The following RBPJ variants were observed in gnomAD, a reference collection of about 807,000 sequenced individuals.
The protein encoded by RBPJ is recombining binding protein suppressor of hairless.
Under a neutral mutation model 67.8 loss-of-function variants are expected in RBPJ, and 9 were observed. The ratio of observed to expected loss-of-function variants is 0.13; its 90% CI spans 0.08 to 0.23. RBPJ has a LOEUF of 0.23. RBPJ is among the 10% of genes least tolerant of loss of function. The pLI, the probability that RBPJ is intolerant of heterozygous loss-of-function variation, is 1.00. For synonymous variants in RBPJ, 198 were observed against 203.3 expected, an observed-to-expected ratio of 0.97 and a Z score of 0.22; for missense variants, 305 against 595.6, an observed-to-expected ratio of 0.51 and a Z score of 5.08.
the RBPJ span, among the ~76,000 whole-genome samples, chr4:26,145,448 G>C: frequency 6.6e-6 from 1 of 152,182 alleles, no homozygotes; most frequent in African/African-American, 2.4e-5. Flanking sequence ...ATCCCTTCAT[G>C]TCAGTTACTG....
chr4:26,109,642 GTCTC>G, the RBPJ span, among the ~76,000 whole-genome samples: 100 of 7,066 alleles, frequency 0.014, 6 homozygotes, highest in African/African-American at 0.027. Flanking sequence ...CTCTCTCTCT[GTCTC>G]TCTCTCTCTC....
At chr4:26,148,855 C>T in the RBPJ span, among the ~76,000 whole-genome samples, 3 of 152,216 alleles carry the variant, frequency 2.0e-5, no homozygotes, top group Non-Finnish European at 4.4e-5. Flanking sequence ...CTCCAGAGAA[C>T]AGGATGCTCT....
chr4:26,397,624 A>T (rs1732271928), intron 2 of RBPJ, among the ~76,000 whole-genome samples: 1 of 151,930 alleles, frequency 6.6e-6, no homozygotes. Flanking sequence ...TCTGTTTTGT[A>T]ACTCTTTTTT....
intron 1 of RBPJ, among the ~76,000 whole-genome samples, chr4:26,221,130 G>A (rs565547452): frequency 6.6e-5 from 10 of 152,032 alleles, no homozygotes; most frequent in South Asian, 4.1e-4. Flanking sequence ...TCGTTCCGTC[G>A]CCCAGGCTGG....
upstream of RBPJ, among the ~76,000 whole-genome samples, chr4:26,159,084 C>G (rs914744038): frequency 1.3e-5 from 2 of 151,892 alleles, no homozygotes; most frequent in African/African-American, 2.4e-5. Context: ...TTAGAGACCT[C>G]AGGATGAACT....
intron 1 of RBPJ, among the ~76,000 whole-genome samples, chr4:26,282,924 CTTTTTT>C (rs67501530): frequency 4.9e-5 from 3 of 61,646 alleles, no homozygotes; most frequent in Admixed American, 2.6e-4. Context: ...AGTGTAGATT[CTTTTTT>C]TTTTTTTTTT....
chr4:26,375,032 G>A (rs1246469060), intron 1 of RBPJ, among the ~76,000 whole-genome samples: 1 of 152,050 alleles, frequency 6.6e-6, no homozygotes, highest in Non-Finnish European at 1.5e-5. Flanking sequence ...GCTGGGCACG[G>A]TGGCTCATGC....
At chr4:26,367,093 C>T (rs1295770732) in intron 1 of RBPJ, among the ~76,000 whole-genome samples, 1 of 151,948 alleles carries the variant, frequency 6.6e-6, no homozygotes, top group East Asian at 1.9e-4. Context: ...CACTGCACTT[C>T]AGCCTGGGCG....
chr4:26,227,830 G>A (rs897861183), intron 1 of RBPJ, among the ~76,000 whole-genome samples: 1 of 152,224 alleles, frequency 6.6e-6, no homozygotes, highest in Non-Finnish European at 1.5e-5. Flanking sequence ...ATGTCTCCCT[G>A]CCAGCCTAGT....
chr4:26,190,410 T>G (rs746702426), intron 1 of RBPJ, among the ~76,000 whole-genome samples: 1 of 152,204 alleles, frequency 6.6e-6, no homozygotes, highest in Non-Finnish European at 1.5e-5. Context: ...ACATGAGGGT[T>G]TCCCAAAATG....
At chr4:26,168,093 G>A (rs944815960) in intron 1 of RBPJ, among the ~76,000 whole-genome samples, 23 of 151,896 alleles carry the variant, frequency 1.5e-4, no homozygotes, top group Non-Finnish European at 2.9e-4. Flanking sequence ...ATATTGCTAT[G>A]TGTGAATTTG....
intron 1 of RBPJ, among the ~76,000 whole-genome samples, chr4:26,260,137 T>C (rs146942406): frequency 8.8e-4 from 134 of 152,358 alleles, no homozygotes; most frequent in Middle Eastern, 3.4e-3. Flanking sequence ...TTTCATAATA[T>C]ACATTTTCAT....
At chr4:26,131,496 C>T in the RBPJ span, among the ~76,000 whole-genome samples, 2 of 152,084 alleles carry the variant, frequency 1.3e-5, no homozygotes, top group African/African-American at 2.4e-5. Context: ...GGGGAAGGTC[C>T]GTGGAAGCCC....
intron 1 of RBPJ, among the ~76,000 whole-genome samples, chr4:26,232,423 G>T (rs917466355): frequency 2.6e-5 from 4 of 151,804 alleles, no homozygotes; most frequent in Admixed American, 6.6e-5. Context: ...ACTTTTTGTA[G>T]AGACAGGCTG....
At chr4:26,114,140 A>G in the RBPJ span, among the ~76,000 whole-genome samples, 1 of 152,204 alleles carries the variant, frequency 6.6e-6, no homozygotes, top group Non-Finnish European at 1.5e-5. Context: ...TCTGAAGCAT[A>G]TAAAAGTTGA....
chr4:26,183,693 A>G (rs1172695461), intron 1 of RBPJ, among the ~76,000 whole-genome samples: 1 of 152,204 alleles, frequency 6.6e-6, no homozygotes, highest in Non-Finnish European at 1.5e-5. Context: ...GACTGATAAT[A>G]GCCCAGATGG....
intron 1 of RBPJ, among the ~76,000 whole-genome samples, chr4:26,202,970 TAAGGAAGGAAGGAAGG>T (rs145254724): frequency 1.5e-4 from 21 of 138,608 alleles, no homozygotes; most frequent in South Asian, 4.7e-4. Flanking sequence ...AGGAAGGAAA[TAAGGAAGGAAGGAAGG>T]AAGGAAGGAA....
At chr4:26,323,063 A>T (rs1303880397) in intron 1 of RBPJ, 5 of 150,822 alleles carry the variant, frequency 3.3e-5, no homozygotes, top group African/African-American at 1.2e-4. Context: ...CGAGTATTGG[A>T]GCATTGGAAA....
intron 1 of RBPJ, among the ~76,000 whole-genome samples, chr4:26,248,605 C>A (rs1228027450): frequency 6.6e-6 from 1 of 152,110 alleles, no homozygotes; most frequent in Non-Finnish European, 1.5e-5. Flanking sequence ...AACTATATCC[C>A]TTTAGGATAC....
Sources: allele counts gnomAD v4.1 joint callset (sites outside exome capture counted in the v4.1 genomes callset), GRCh38; gene constraint gnomAD v4.1.1; transcripts MANE v1.5; gene names NCBI Gene and HGNC (gene_info 2026-07-23, HGNC 2026-07-21).